Variants in UNC79 observed in about 807,000 individuals in gnomAD.
UNC79 encodes the protein unc-79 subunit of NALCN channel complex.
A neutral mutation model predicts 283.1 loss-of-function variants in UNC79; 37 were observed. The ratio of observed to expected loss-of-function variants is 0.13; its 90% confidence interval spans 0.10 to 0.17. The LOEUF is 0.17. Among genes scored for constraint, UNC79 ranks in the 10% least tolerant of loss-of-function variants. The probability of loss-of-function intolerance (pLI) is 1.00; values close to 1 mark genes in which losing one functional copy is unlikely to be tolerated. For missense variants in UNC79, 2,272 were observed against 3,211.1 expected (o/e 0.71, Z 7.07); for synonymous variants, 1,107 against 1,200.2 (o/e 0.92, Z 1.61).
At chr14:93,411,579 G>A (rs911583433) in intron 1 of UNC79, among the ~76,000 whole-genome samples, 3 of 152,266 alleles carry the variant, frequency 2.0e-5, no homozygotes, top group Non-Finnish European at 4.4e-5. Flanking sequence ...GCCCCAGGCA[G>A]CTGAGAACAG....
chr14:93,668,849 CAA>C (rs35266903), intron 40 of UNC79, among the ~76,000 whole-genome samples: 7 of 74,404 alleles, frequency 9.4e-5, no homozygotes, highest in African/African-American at 1.5e-4. Context: ...GTGTCCTTCA[CAA>C]AAAAAAAAAA....
chr14:93,525,045 G>A (rs942290579), intron 8 of UNC79, among the ~76,000 whole-genome samples: 8 of 152,294 alleles, frequency 5.3e-5, no homozygotes, highest in South Asian at 2.1e-4. Flanking sequence ...AGGAGTGCCG[G>A]TAATAACACT....
At chr14:93,391,404 C>T (rs1487501431) in intron 1 of UNC79, among the ~76,000 whole-genome samples, 4 of 152,134 alleles carry the variant, frequency 2.6e-5, no homozygotes, top group Admixed American at 2.6e-4. Context: ...AGCATATTAT[C>T]CTGACTTTGG....
At chr14:93,636,972 C>A (rs2068561473) in intron 31 of UNC79, among the ~76,000 whole-genome samples, 1 of 152,088 alleles carries the variant, frequency 6.6e-6, no homozygotes, top group South Asian at 2.1e-4. Context: ...CTTGTCTGGA[C>A]TTTTTGGGAT....
At chr14:93,532,670 G>T (rs1336768061) in intron 11 of UNC79, 92 bp downstream of exon 11, 23 of 1,518,106 alleles carry the variant, frequency 1.5e-5, no homozygotes, top group Non-Finnish European at 2.1e-5. Flanking sequence ...CTGCACCGTG[G>T]TTTCCAGTAT....
chr14:93,450,058 A>G (rs141577701), intron 1 of UNC79, among the ~76,000 whole-genome samples: 22 of 152,360 alleles, frequency 1.4e-4, no homozygotes, highest in African/African-American at 4.8e-4. Context: ...TCAGGAGGTC[A>G]CTGAGCAAAG....
At chr14:93,386,927 C>CTTTTTTTTTTT (rs35267402) in intron 1 of UNC79, among the ~76,000 whole-genome samples, 1 of 27,162 alleles carries the variant, frequency 3.7e-5, no homozygotes, top group East Asian at 1.3e-3. Context: ...TGTATTTCTG[C>CTTTTTTTTTTT]TTTTTTTTTT....
chr14:93,706,657 T>C (rs1419848887), intron 48 of UNC79, 47 bp from the exon 52 acceptor site: 9 of 1,608,024 alleles, frequency 5.6e-6, no homozygotes, highest in African/African-American at 1.3e-5. Flanking sequence ...CTCCCTGGGT[T>C]GCCCGTGAAA....
At chr14:93,361,483 C>T (rs1180634840) in intron 1 of UNC79, among the ~76,000 whole-genome samples, 1 of 149,090 alleles carries the variant, frequency 6.7e-6, no homozygotes, top group Non-Finnish European at 1.5e-5. Context: ...AGCACTACAG[C>T]CTGGGCGACA....
chr14:93,339,294 TTTTC>T (rs1226705778), intron 1 of UNC79, among the ~76,000 whole-genome samples: 1 of 151,824 alleles, frequency 6.6e-6, no homozygotes, highest in Non-Finnish European at 1.5e-5. Flanking sequence ...ATGGCCATTT[TTTTC>T]TTTATTTTTC....
chr14:93,558,383 C>G (rs976719138), intron 14 of UNC79, among the ~76,000 whole-genome samples: 22 of 151,980 alleles, frequency 1.4e-4, no homozygotes, highest in Non-Finnish European at 2.8e-4. Flanking sequence ...GGTGAAACCC[C>G]GTCTCTACTA....
intron 20 of UNC79, among the ~76,000 whole-genome samples, chr14:93,583,875 G>A (rs1021426169): frequency 1.3e-5 from 2 of 149,334 alleles, no homozygotes; most frequent in African/African-American, 5.0e-5. Context: ...GCCCGATCAC[G>A]GCTCACTCCA....
At chr14:93,501,721 G>A (rs1247139052) in intron 7 of UNC79, among the ~76,000 whole-genome samples, 1 of 152,018 alleles carries the variant, frequency 6.6e-6, no homozygotes, top group African/African-American at 2.4e-5. Flanking sequence ...AATATGTAAG[G>A]AGGAAAAACA....
chr14:93,582,229 C>T, exon 20 of UNC79: 1 of 1,614,180 alleles, frequency 6.2e-7, no homozygotes, highest in Middle Eastern at 1.6e-4. Context: ...TGGAGGATAG[C>T]CTCCTTTCTT....
intron 1 of UNC79, among the ~76,000 whole-genome samples, chr14:93,443,458 C>T (rs112938870): frequency 7.2e-6 from 1 of 139,746 alleles, no homozygotes; most frequent in Non-Finnish European, 1.5e-5. Flanking sequence ...GACTCTTGCT[C>T]TGTCGCCCAG....
chr14:93,637,396 C>T (rs1358830973), intron 32 of UNC79, 97 bp downstream of exon 35: 4 of 1,542,266 alleles, frequency 2.6e-6, no homozygotes, highest in Non-Finnish European at 3.5e-6. Context: ...TTTCTTAGCA[C>T]CTCCATGGAG....
At chr14:93,597,402 A>G (rs779151941) in exon 24 of UNC79, 2 of 1,614,192 alleles carry the variant, frequency 1.2e-6, no homozygotes, top group East Asian at 4.5e-5. Flanking sequence ...ATATTCACTC[A>G]GTAACCAAAA....
chr14:93,373,753 T>C (rs141009586), intron 1 of UNC79, among the ~76,000 whole-genome samples: 1 of 152,312 alleles, frequency 6.6e-6, no homozygotes, highest in East Asian at 1.9e-4. Context: ...TAACACATTC[T>C]GCAAGGCCAG....
intron 39 of UNC79, 106 bp downstream of exon 42, chr14:93,659,367 G>A: frequency 1.1e-6 from 1 of 879,406 alleles, no homozygotes; most frequent in East Asian, 2.7e-5. Flanking sequence ...CATACTGAAT[G>A]CTTCCCTTTC....
Sources: allele counts gnomAD v4.1 joint callset (sites outside exome capture counted in the v4.1 genomes callset), GRCh38; gene constraint gnomAD v4.1.1; transcripts MANE v1.5; gene names NCBI Gene and HGNC (gene_info 2026-07-23, HGNC 2026-07-21).